Variants in CERS3 observed in about 807,000 individuals in gnomAD.
CERS3 encodes LAG1 homolog, ceramide synthase 3.
A neutral mutation model predicts 50.3 loss-of-function variants in CERS3; 33 were observed. The ratio of observed to expected loss-of-function variants is 0.66; its 90% CI spans 0.50 to 0.88. The LOEUF (loss-of-function observed/expected upper bound fraction) is 0.88, where lower values mean the gene tolerates loss of function less well. CERS3 is among the 40% of genes least tolerant of loss of function. The pLI is 0.00. For missense variants in CERS3, 470 were observed against 460.3 expected, an observed-to-expected ratio of 1.02 and a Z score of -0.19; for synonymous variants, 176 against 155.2, an observed-to-expected ratio of 1.13 and a Z score of -0.99.
chr15:100,439,031 G>A (rs891878051), intron 11 of CERS3, among the ~76,000 whole-genome samples: 7 of 152,196 alleles, frequency 4.6e-5, no homozygotes, highest in African/African-American at 7.2e-5. Context: ...CTGATGTAAT[G>A]TATGGGCTAG....
chr15:100,410,768 T>C (rs1321807250), intron 11 of CERS3, among the ~76,000 whole-genome samples: 2 of 152,256 alleles, frequency 1.3e-5, no homozygotes, highest in Non-Finnish European at 2.9e-5. Flanking sequence ...TCCCACAGTC[T>C]AGAAGTGTCA....
upstream of CERS3, among the ~76,000 whole-genome samples, chr15:100,531,166 T>C (rs1041255021): frequency 2.0e-5 from 3 of 152,234 alleles, no homozygotes; most frequent in African/African-American, 4.8e-5. Context: ...ACTTCTACAA[T>C]GAAACACATG....
At chr15:100,475,036 G>T (rs1179178156) in intron 8 of CERS3, among the ~76,000 whole-genome samples, 1 of 152,134 alleles carries the variant, frequency 6.6e-6, no homozygotes, top group Non-Finnish European at 1.5e-5. Flanking sequence ...TCAAAGGTGG[G>T]TGAAATACAT....
intron 1 of CERS3, among the ~76,000 whole-genome samples, chr15:100,528,410 G>A (rs186749484): frequency 7.9e-5 from 12 of 152,240 alleles, no homozygotes; most frequent in Non-Finnish European, 1.8e-4. Context: ...CTGGATTCAG[G>A]GCTTTCCTGA....
intron 7 of CERS3, among the ~76,000 whole-genome samples, chr15:100,478,231 A>AAG (rs1165616320): frequency 6.6e-6 from 1 of 152,252 alleles, no homozygotes; most frequent in Admixed American, 6.5e-5. Flanking sequence ...GAAATTGAGA[A>AAG]TTCAAAAGAT....
At chr15:100,421,574 A>C (rs2032429270) in intron 11 of CERS3, among the ~76,000 whole-genome samples, 1 of 149,338 alleles carries the variant, frequency 6.7e-6, no homozygotes, top group Non-Finnish European at 1.5e-5. Context: ...ACAGAATTGG[A>C]AAAAACTACT....
intron 10 of CERS3, among the ~76,000 whole-genome samples, chr15:100,467,944 A>G (rs908402147): frequency 6.7e-6 from 1 of 149,632 alleles, no homozygotes; most frequent in Non-Finnish European, 1.5e-5. Context: ...CTGATCTAGA[A>G]CTCCTGGGCT....
At chr15:100,483,927 C>T (rs1279884192) in intron 5 of CERS3, among the ~76,000 whole-genome samples, 1 of 150,870 alleles carries the variant, frequency 6.6e-6, no homozygotes, top group Non-Finnish European at 1.5e-5. Flanking sequence ...ACTACAGGCG[C>T]CCGCCACCAC....
Position 100,456,084 on chromosome 15 carries a change from C to A in CERS3, c.846-38G>T, listed in dbSNP as rs774097891. ...ACAGTTGAGAGAATTTCATTACAAC[C>A]AAAGCACCTATGAATTTTCAATAAT... is the stretch of plus-strand genomic sequence containing the variant. On this transcript the variant is annotated intron_variant, in intron 10 of 11. Coordinates refer to ENST00000679737, the MANE Select transcript of CERS3 (RefSeq NM_001378789.1). 2.6e-6 allele frequency: 4 copies of A among 1,515,036 alleles called. No homozygotes were observed. In the African/African-American group the frequency reaches 5.6e-5, roughly 21 times the overall value. 93.8% of individuals were successfully genotyped at this position (1,515,036 alleles called of 1,614,324 possible).
intron 11 of CERS3, among the ~76,000 whole-genome samples, chr15:100,438,083 A>G (rs996624150): frequency 8.6e-6 from 1 of 115,686 alleles, no homozygotes; most frequent in South Asian, 2.9e-4. Flanking sequence ...TCTGTCTCCC[A>G]GGCTGGAGTG....
intron 11 of CERS3, among the ~76,000 whole-genome samples, chr15:100,416,996 C>G (rs12900296): frequency 0.57 from 87,241 of 152,036 alleles, 25,267 homozygotes; most frequent in Non-Finnish European, 0.6. Flanking sequence ...CTAATAATTA[C>G]AGAAATGCAA....
chr15:100,508,550 A>T (rs1346974513), intron 2 of CERS3, among the ~76,000 whole-genome samples: 1 of 152,224 alleles, frequency 6.6e-6, no homozygotes, highest in African/African-American at 2.4e-5. Context: ...CACTGCTGTG[A>T]AAAATTCTTG....
chr15:100,537,886 G>T (rs1398191115), intron 1 of CERS3, among the ~76,000 whole-genome samples: 1 of 152,130 alleles, frequency 6.6e-6, no homozygotes, highest in East Asian at 1.9e-4. Flanking sequence ...TCTGAGACAA[G>T]GCAAGTCCCT....
rs568805956 is a variant in CERS3 at position 100,402,176 on chromosome 15, T to C, written c.*537A>G. The C allele has an allele frequency of 6.5e-6, 1 of 153,624 alleles. No individual in the cohort carries two copies. The highest frequency in any genetic ancestry group is 2.4e-5 in the African/African-American group (1 of 41,582). 9.5% of individuals were successfully genotyped at this position (153,624 alleles called of 1,614,324 possible). Reference sequence around the variant, plus strand: ...TCACTTAATCCTTGCTGTAACCCTGTGGGGTGGCAGGCAGGGACTGCCACC... The same window carrying C: ...TCACTTAATCCTTGCTGTAACCCTGCGGGGTGGCAGGCAGGGACTGCCACC... On this transcript the variant is annotated 3_prime_UTR_variant, in exon 12 of 12. Coordinates refer to ENST00000679737, the MANE Select transcript of CERS3 (RefSeq NM_001378789.1).
chr15:100,542,806 C>CAT (rs56909968), intron 1 of CERS3, among the ~76,000 whole-genome samples: 71 of 151,202 alleles, frequency 4.7e-4, no homozygotes, highest in East Asian at 1.9e-3. Context: ...TGAACATATA[C>CAT]ATATATATAT....
chr15:100,476,299 C>T (rs1280743264), intron 7 of CERS3, 121 bp from the exon 8 acceptor site: 4 of 496,232 alleles, frequency 8.1e-6, no homozygotes, highest in African/African-American at 2.0e-5. Flanking sequence ...ATAACATTGA[C>T]TGATATTTCA....
At chr15:100,410,525 T>C (rs1456652556) in intron 11 of CERS3, among the ~76,000 whole-genome samples, 1 of 152,178 alleles carries the variant, frequency 6.6e-6, no homozygotes, top group Non-Finnish European at 1.5e-5. Context: ...CTTTGAAGGG[T>C]GTGTTCTAGG....
intron 7 of CERS3, among the ~76,000 whole-genome samples, chr15:100,479,059 G>A (rs1437098356): frequency 3.3e-5 from 5 of 151,764 alleles, no homozygotes; most frequent in Non-Finnish European, 5.9e-5. Flanking sequence ...ATTACTAGAA[G>A]AACAAAAGCA....
At chr15:100,536,336 G>A (rs1379534467) in intron 1 of CERS3, among the ~76,000 whole-genome samples, 1 of 152,158 alleles carries the variant, frequency 6.6e-6, no homozygotes, top group Admixed American at 6.5e-5. Context: ...TCAGGCTGGA[G>A]TGCATCAGTG....
Sources: gnomAD v4.1 joint callset for allele counts (sites outside exome capture counted in the v4.1 genomes callset) on GRCh38, gnomAD v4.1.1 for gene constraint, MANE v1.5 for transcripts, NCBI Gene and HGNC (gene_info 2026-07-23, HGNC 2026-07-21) for gene names.